Variants in RIPK4 observed in about 807,000 individuals in gnomAD.
RIPK4 encodes receptor interacting serine/threonine kinase 4.
In RIPK4, 17 loss-of-function variants were observed where a neutral mutation model predicts 42.9. That is an observed-to-expected ratio of 0.40 (90% CI 0.27 to 0.59). The LOEUF is 0.59. Among genes scored for constraint, RIPK4 ranks in the 20% least tolerant of loss-of-function variants. The probability of loss-of-function intolerance (pLI) is 0.47; values close to 1 mark genes in which losing one functional copy is unlikely to be tolerated. For missense variants in RIPK4, 897 were observed against 1,104.4 expected, an observed-to-expected ratio of 0.81 and a Z score of 2.66; for synonymous variants, 498 against 499.1, an observed-to-expected ratio of 1.00 and a Z score of 0.03.
chr21:41,743,635 C>T (rs969846538), intron 7 of RIPK4, among the ~76,000 whole-genome samples: 2 of 152,248 alleles, frequency 1.3e-5, no homozygotes, highest in African/African-American at 4.8e-5. Flanking sequence ...CCACCCATGG[C>T]ACTGGCACAG....
intron 1 of RIPK4, among the ~76,000 whole-genome samples, chr21:41,762,139 G>T (rs561192075): frequency 1.3e-5 from 2 of 152,256 alleles, no homozygotes; most frequent in South Asian, 4.1e-4. Context: ...CCCCTTCCAT[G>T]GGCCACACAT....
At chr21:41,758,041 T>TAGAGAGAG (rs71188681) in intron 1 of RIPK4, among the ~76,000 whole-genome samples, 56 of 58,478 alleles carry the variant, frequency 9.6e-4, no homozygotes, top group African/African-American at 2.8e-3. Flanking sequence ...TATATATATA[T>TAGAGAGAG]AGAGAGAGAG....
In RIPK4 at chr21:41,743,914, G is replaced by T; in HGVS notation, c.1163C>A (p.Ser388Ter). Reference sequence around the variant, plus strand: ...TGAAGGTTCCCGCTCAAAGGACAGCGACAGTGATCCTCTGGAAGAGAAGGC... The same window carrying T: ...TGAAGGTTCCCGCTCAAAGGACAGCTACAGTGATCCTCTGGAAGAGAAGGC... Reference protein sequence around the residue: ...DSAFSSRGSLSLSFEREPSTS... With the variant: ...DSAFSSRGSL Residue 388 changes from serine to a stop codon, truncating the protein, a stop_gained, in exon 7 of 8, where the codon TCG becomes TAG. Transcript: ENST00000332512. LOFTEE classifies it low-confidence loss of function (END_TRUNC). 6.2e-7 allele frequency: 1 copy of T among 1,611,212 alleles called. No homozygotes were observed. The highest frequency in any genetic ancestry group is 8.5e-7 in the Non-Finnish European group (1 of 1,178,816).
At chr21:41,750,413 T>G (rs1270183569) in intron 3 of RIPK4, among the ~76,000 whole-genome samples, 1 of 152,218 alleles carries the variant, frequency 6.6e-6, no homozygotes, top group Non-Finnish European at 1.5e-5. Context: ...ATGAAGAAGA[T>G]GAGCTGCTCG....
chr21:41,751,005 AG>A lies in RIPK4; in HGVS notation c.623+91del. On this transcript the variant is annotated intron_variant, in intron 3 of 7. Transcript: ENST00000332512. The surrounding 1 kb of genome is among the most constrained non-coding windows in gnomAD (Gnocchi z 4.5). The stretch of plus-strand genomic sequence containing the variant: ...AGCCCCATTTCTGACTGGCAGCAAG[AG>A]GCCTTTCTGAAAGCTGCAGCTCAGG... 1 of 1,481,510 alleles carries A rather than the reference AG, an allele frequency of 6.7e-7. No homozygotes were observed. Among genetic ancestry groups the A allele is most frequent in the Non-Finnish European group, 9.1e-7 (1 of 1,095,608 alleles). The allele number at this position is 1,481,510 out of a possible 1,614,324, so 91.8% of individuals were successfully genotyped here.
intron 1 of RIPK4, among the ~76,000 whole-genome samples, chr21:41,758,866 A>G (rs2061212699): frequency 6.6e-6 from 1 of 152,238 alleles, no homozygotes. Context: ...GTGTTTTCAC[A>G]GACTAGAATC....
Position 41,766,909 on chromosome 21 carries a change from T to C in RIPK4, c.133A>G (p.Lys45Glu), listed in dbSNP as rs2061239206. The change falls in exon 1 of 8, where the codon AAG (lysine) becomes GAG (glutamate). Residue 45 changes from lysine to glutamate, a missense_variant. Transcript: ENST00000332512. ...GAGCACTTGATGGCCAGCCAGGTCT[T>C]CCAGTGGACATGGCGCACCTTGTAC... ...QVYKVRHVHW[K>E]TWLAIKCSPS... 6.2e-7 allele frequency: 1 copy of C among 1,610,668 alleles called. No individual in the cohort carries two copies. The highest frequency in any genetic ancestry group is 8.5e-7 in the Non-Finnish European group (1 of 1,178,854).
In RIPK4 at chr21:41,744,133, G is replaced by A. The variant is rs937843889; in HGVS notation, c.944C>T (p.Pro315Leu). The change falls in exon 7 of 8, where the codon CCT (proline) becomes CTT (leucine). Residue 315 changes from proline to leucine, a missense_variant. By Grantham distance (98) the Pro-to-Leu change is moderately conservative. Transcript: ENST00000332512. ...GGCAGAGGCCCGCTTGAGCCTCGCA[G>A]GCACCACCTGCGAAGATGCAGAAGA... ...SPPEPRSEVV[P>L]ARLKRASAPT... 8.8e-6 allele frequency: 14 copies of A among 1,588,344 alleles called. No individual in the cohort carries two copies. The highest frequency in any genetic ancestry group is 2.3e-5 in the East Asian group (1 of 44,290).
chr21:41,743,451 G>A (rs1473385063), intron 7 of RIPK4, among the ~76,000 whole-genome samples: 5 of 152,266 alleles, frequency 3.3e-5, no homozygotes, highest in Non-Finnish European at 2.9e-5. Flanking sequence ...CTGGACTACC[G>A]TGAACGGGGA....
rs370422199 is a variant in RIPK4 at position 41,767,020 on chromosome 21, G to A, written c.22C>T (p.Pro8Ser). MEGDGGT[P>S]WALALLRTFD... ...GTGCGCAGCAGCGCCAGGGCCCATG[G>A]GGTCCCGCCGTCGCCCTCCATCGCG... The change falls in exon 1 of 8, where the codon CCA becomes TCA. Residue 8 changes from proline (P) to serine (S), a missense_variant. Physicochemically the swap from Pro to Ser is moderately conservative, Grantham distance 74 (BLOSUM62 -1). Transcript: ENST00000332512. This position sits in a 1 kb window ranked among gnomAD's most constrained non-coding sequence, Gnocchi z 4.0. The A allele has an allele frequency of 1.3e-6, 2 of 1,583,314 alleles. No individual in the cohort carries two copies. The highest frequency in any genetic ancestry group is 1.7e-4 in the Middle Eastern group (1 of 5,796).
intron 2 of RIPK4, among the ~76,000 whole-genome samples, chr21:41,752,991 A>C (rs978699045): frequency 6.6e-6 from 1 of 152,206 alleles, no homozygotes; most frequent in Non-Finnish European, 1.5e-5. Context: ...CGGAACTAAA[A>C]GTAAAATAAA....
At chr21:41,762,014 A>T (rs1056667984) in intron 1 of RIPK4, among the ~76,000 whole-genome samples, 1 of 152,038 alleles carries the variant, frequency 6.6e-6, no homozygotes, top group Non-Finnish European at 1.5e-5. Context: ...CAACAAACAA[A>T]CAAAAAAGGG....
chr21:41,741,484 G>C lies in RIPK4; in HGVS notation c.1709C>G (p.Ala570Gly), dbSNP rs746398949. ...GVDVSLQGKD[A>G]WLPLHYAAWQ... ...GGCAGCGTAGTGCAGTGGCAGCCAG[G>C]CATCCTTGCCCTGCAGGCTCACGTC... is the stretch of plus-strand genomic sequence containing the variant. Residue 570 changes from alanine to glycine, a missense_variant, in exon 8 of 8, where the codon GCC becomes GGC. Physicochemically the swap from Ala to Gly is moderately conservative, Grantham distance 60. Transcript: ENST00000332512. The C allele has an allele frequency of 6.2e-7, 1 of 1,612,576 alleles. No individual in the cohort carries two copies. The highest frequency in any genetic ancestry group is 1.1e-5 in the South Asian group (1 of 91,078).
At chr21:41,765,590 T>C (rs1472913913) in intron 1 of RIPK4, among the ~76,000 whole-genome samples, 2 of 152,186 alleles carry the variant, frequency 1.3e-5, no homozygotes, top group Non-Finnish European at 2.9e-5. Context: ...CAGCACGCAC[T>C]GCCACCCCAG....
chr21:41,757,948 G>A (rs1321177590), intron 1 of RIPK4, among the ~76,000 whole-genome samples: 7 of 135,930 alleles, frequency 5.1e-5, no homozygotes, highest in Admixed American at 7.8e-5. Flanking sequence ...ACAGTGAGCC[G>A]AGATCGCGCC....
rs927458371 is a variant in RIPK4, at chr21:41,763,644, G to A, written c.182+3216C>T. On this transcript the variant is annotated intron_variant, in intron 1 of 7. Coordinates refer to ENST00000332512, the MANE Select transcript of RIPK4 (RefSeq NM_020639.3). ...CATCTGTTAGCTGATGCCTCTCAGC[G>A]AGGCCTTCTGCACACCAATCCAATT... Among the ~76,000 whole-genome samples the A allele has an allele frequency of 2.6e-5, 4 of 152,204 alleles. No individual in the cohort carries two copies. In the South Asian group the frequency reaches 6.2e-4, roughly 24 times the overall value.
chr21:41,741,781 C>A lies in RIPK4; in HGVS notation c.1412G>T (p.Gly471Val). The change falls in exon 8 of 8, where the codon GGC becomes GTC. Residue 471 changes from glycine (G) to valine (V), a missense_variant. Coordinates refer to ENST00000332512, the MANE Select transcript of RIPK4 (RefSeq NM_020639.3). The part of the protein sequence containing the change: ...NANPNLSNRR[G>V]STPLHMAVER... ...CACGGCCATGTGCAACGGGGTGGAG[C>A]CCCTACGGTTGCTCAGGTTGGGGTT... 6.2e-7 allele frequency: 1 copy of A among 1,611,446 alleles called. No individual in the cohort carries two copies. Among genetic ancestry groups the A allele is most frequent in the Non-Finnish European group, 8.5e-7 (1 of 1,180,014 alleles).
intron 2 of RIPK4, among the ~76,000 whole-genome samples, chr21:41,754,746 G>A (rs1008019946): frequency 6.6e-6 from 1 of 152,152 alleles, no homozygotes; most frequent in Non-Finnish European, 1.5e-5. Flanking sequence ...CTCCCACAGG[G>A]CCGCCTCTAG....
intron 1 of RIPK4, among the ~76,000 whole-genome samples, chr21:41,763,095 G>A (rs767310718): frequency 2.6e-5 from 4 of 152,120 alleles, no homozygotes; most frequent in South Asian, 2.1e-4. Flanking sequence ...ACGCAGGAAC[G>A]GGAAAAGCCC....
Sources: gnomAD v4.1 joint callset for allele counts (sites outside exome capture counted in the v4.1 genomes callset) on GRCh38, gnomAD v4.1.1 for gene constraint, Gnocchi (gnomAD v3.1) non-coding constraint, MANE v1.5 for transcripts, NCBI Gene and HGNC (gene_info 2026-07-23, HGNC 2026-07-21) for gene names.